The following GORASP2 variants were observed in gnomAD, a reference collection of about 807,000 sequenced individuals.
GORASP2 encodes golgi reassembly stacking protein 2, also known as Golgi reassembly-stacking protein 2.
In GORASP2, 22 loss-of-function variants were observed where a neutral mutation model predicts 45.7. The observed-to-expected ratio is 0.48, with a 90% CI of 0.34 to 0.69. GORASP2 has a LOEUF of 0.69. Among genes scored for constraint, GORASP2 ranks in the 30% least tolerant of loss-of-function variants. The pLI, the probability that GORASP2 is intolerant of heterozygous loss-of-function variation, is 0.01. For synonymous variants in GORASP2, 221 were observed against 215.6 expected (o/e 1.02, Z -0.22); for missense variants, 491 against 562.7 (o/e 0.87, Z 1.29).
intron 1 of GORASP2, among the ~76,000 whole-genome samples, chr2:170,935,205 T>C (rs1351187067): frequency 2.0e-5 from 3 of 152,236 alleles, no homozygotes; most frequent in Non-Finnish European, 4.4e-5. Flanking sequence ...CATAAACTTT[T>C]TCTAATATTA....
At chr2:170,944,138 G>A (rs548612120) in intron 1 of GORASP2, among the ~76,000 whole-genome samples, 1 of 152,170 alleles carries the variant, frequency 6.6e-6, no homozygotes, top group Non-Finnish European at 1.5e-5. Flanking sequence ...GATCTCATAG[G>A]GGATAGAAAG....
At chr2:170,963,851 C>T (rs543672825) in intron 9 of GORASP2, among the ~76,000 whole-genome samples, 4 of 152,188 alleles carry the variant, frequency 2.6e-5, no homozygotes, top group Admixed American at 2.0e-4. Flanking sequence ...CACCATGTTG[C>T]CCAGGCTGGT....
intron 7 of GORASP2, among the ~76,000 whole-genome samples, chr2:170,958,677 A>T (rs200756342): frequency 0.49 from 46,190 of 94,216 alleles, 9,692 homozygotes; most frequent in East Asian, 0.8. Flanking sequence ...TTTTTTTTAA[A>T]AAAAAAAAAA....
At chr2:170,945,719 T>G (rs1704167632) in intron 1 of GORASP2, among the ~76,000 whole-genome samples, 1 of 152,196 alleles carries the variant, frequency 6.6e-6, no homozygotes, top group African/African-American at 2.4e-5. Flanking sequence ...TTACTTCTTC[T>G]GAGACAATAC....
At chr2:170,944,317 A>T (rs557827062) in intron 1 of GORASP2, among the ~76,000 whole-genome samples, 1 of 152,184 alleles carries the variant, frequency 6.6e-6, no homozygotes, top group East Asian at 1.9e-4. Context: ...ATGAGGGTCA[A>T]AGAGAGGATT....
chr2:170,964,681 C>T (rs919079376), intron 9 of GORASP2, among the ~76,000 whole-genome samples: 1 of 151,888 alleles, frequency 6.6e-6, no homozygotes, highest in Admixed American at 6.6e-5. Context: ...AAATGAAGTA[C>T]TAGTAGTAGT....
chr2:170,943,725 T>C (rs1266391498), intron 1 of GORASP2, among the ~76,000 whole-genome samples: 1 of 152,238 alleles, frequency 6.6e-6, no homozygotes, highest in Non-Finnish European at 1.5e-5. Flanking sequence ...CAGGCTGAAG[T>C]GCAGTGGCGT....
intron 7 of GORASP2, among the ~76,000 whole-genome samples, 192 bp downstream of exon 7, chr2:170,956,751 A>G (rs2105325789): frequency 6.6e-6 from 1 of 152,076 alleles, no homozygotes; most frequent in East Asian, 1.9e-4. Flanking sequence ...CTAAAAAAAA[A>G]AAACTTTTTT....
intron 1 of GORASP2, chr2:170,936,483 G>A: frequency 2.7e-6 from 1 of 373,540 alleles, no homozygotes; most frequent in Non-Finnish European, 5.3e-6. Context: ...GCTTCCCAAA[G>A]TGTTGGGATT....
chr2:170,930,240 C>T (rs1193862361), intron 1 of GORASP2, among the ~76,000 whole-genome samples: 13 of 152,188 alleles, frequency 8.5e-5, no homozygotes, highest in Non-Finnish European at 1.9e-4. Flanking sequence ...TATGAACGGC[C>T]TGGGCCTGGG....
chr2:170,956,049 G>A (rs1704419140), intron 6 of GORASP2, among the ~76,000 whole-genome samples: 1 of 152,210 alleles, frequency 6.6e-6, no homozygotes, highest in Non-Finnish European at 1.5e-5. Context: ...CCTGAGCAAT[G>A]AAAGTTAAAA....
At chr2:170,962,315 C>A (rs1420505993) in intron 8 of GORASP2, among the ~76,000 whole-genome samples, 1 of 152,188 alleles carries the variant, frequency 6.6e-6, no homozygotes, top group Non-Finnish European at 1.5e-5. Flanking sequence ...CATATTAAGC[C>A]ATGAACCAAA....
intron 1 of GORASP2, 57 bp from the exon 2 acceptor site, chr2:170,948,293 C>G: frequency 1.1e-6 from 1 of 951,644 alleles, no homozygotes. Context: ...AGAGATTCGG[C>G]TTACAATTTT....
In GORASP2 at chr2:170,956,448, TCA is replaced by T; in HGVS notation, c.713_714del (p.Ser238CysfsTer2). Reference sequence around the variant, plus strand: ...CTTTTTTTGGAAGGTCCAGCTGTCCTCAGTTAATCCCCCGTCTTTGTCACCAC... The same window carrying T: ...CTTTTTTTGGAAGGTCCAGCTGTCCTGTTAATCCCCCGTCTTTGTCACCAC... The part of the protein sequence containing the change: ...KDGFTEVQLS[S>X]VNPPSLSPPG... On this transcript the variant is annotated frameshift_variant, in exon 7 of 10. Transcript: ENST00000234160. LOFTEE classifies it high-confidence loss of function. 6.2e-7 allele frequency: 1 copy of T among 1,611,388 alleles called. No homozygotes were observed. The highest frequency in any genetic ancestry group is 8.5e-7 in the Non-Finnish European group (1 of 1,179,142).
chr2:170,949,517 T>C (rs772950644), intron 2 of GORASP2, 22 bp from the exon 3 acceptor site: 3 of 1,585,294 alleles, frequency 1.9e-6, no homozygotes, highest in African/African-American at 1.3e-5. Context: ...TACTAAGGAA[T>C]GTGATTTCTA....
chr2:170,956,321 T>G (rs974478509), intron 6 of GORASP2, 115 bp from the exon 7 acceptor site: 2 of 873,912 alleles, frequency 2.3e-6, no homozygotes, highest in African/African-American at 3.4e-5. Flanking sequence ...ATGAAGCTTG[T>G]GACAGCTCAT....
intron 1 of GORASP2, among the ~76,000 whole-genome samples, chr2:170,935,061 A>G (rs1355395026): frequency 6.6e-6 from 1 of 152,138 alleles, no homozygotes; most frequent in Non-Finnish European, 1.5e-5. Context: ...TTCTAATAAA[A>G]GGCCCAGAAG....
At chr2:170,938,956 G>A (rs1336649811) in intron 1 of GORASP2, among the ~76,000 whole-genome samples, 2 of 152,056 alleles carry the variant, frequency 1.3e-5, no homozygotes, top group Admixed American at 6.5e-5. Context: ...TTGCATCACT[G>A]TACTCCAACC....
At chr2:170,935,051 T>A (rs1218995374) in intron 1 of GORASP2, among the ~76,000 whole-genome samples, 1 of 152,126 alleles carries the variant, frequency 6.6e-6, no homozygotes, top group East Asian at 1.9e-4. Flanking sequence ...AATTGATCTT[T>A]TCTAATAAAA....
Sources: gnomAD v4.1 joint callset for allele counts (sites outside exome capture counted in the v4.1 genomes callset) on GRCh38, gnomAD v4.1.1 for gene constraint, MANE v1.5 for transcripts, NCBI Gene and HGNC (gene_info 2026-07-23, HGNC 2026-07-21) for gene names.